NPY: variants seen among roughly 807,000 people sequenced by gnomAD.
NPY encodes pro-neuropeptide Y.
A neutral mutation model predicts 13.2 loss-of-function variants in NPY; 11 were observed. The observed-to-expected ratio is 0.83, with a 90% CI of 0.52 to 1.38. The LOEUF is 1.38. NPY is among the 40% of genes most tolerant of loss of function. The probability of loss-of-function intolerance (pLI) is 0.00; values close to 1 mark genes in which losing one functional copy is unlikely to be tolerated. For missense variants in NPY, 109 were observed against 125.1 expected (o/e 0.87, Z 0.61); for synonymous variants, 51 against 55.6 (o/e 0.92, Z 0.37).
chr7:24,289,684 C>T, intron 3 of NPY, 105 bp downstream of exon 3: 1 of 712,134 alleles, frequency 1.4e-6, no homozygotes, highest in Non-Finnish European at 2.3e-6. Flanking sequence ...GGCTTCTAGA[C>T]TAGGGGAGAT....
At chr7:24,291,539 C>A in intron 3 of NPY, 124 bp from the exon 4 acceptor site, 2 of 1,090,952 alleles carry the variant, frequency 1.8e-6, no homozygotes, top group Non-Finnish European at 2.7e-6. Flanking sequence ...ATTTAGAATG[C>A]CAACAGGAAA....
At chr7:24,290,572 C>G (rs6951110) in intron 3 of NPY, among the ~76,000 whole-genome samples, 147,395 of 151,926 alleles carry the variant, frequency 0.97, 71,524 homozygotes, top group East Asian at 1. Context: ...CAGTTCTCTT[C>G]TAAAATGGCC....
chr7:24,288,639 A>C (rs913385219), intron 2 of NPY, among the ~76,000 whole-genome samples: 12 of 150,500 alleles, frequency 8.0e-5, no homozygotes, highest in Middle Eastern at 6.9e-3. Context: ...TCACAGGTAA[A>C]CGAAACCTTA....
chr7:24,291,855 A>C lies in NPY; in HGVS notation c.*168A>C. On this transcript the variant is annotated 3_prime_UTR_variant, in exon 4 of 4. Coordinates refer to ENST00000242152, the MANE Select transcript of NPY (RefSeq NM_000905.4). Reference sequence around the variant, plus strand: ...TGTGTGTTTAAATAAAGTATCATGCATTCAAAAGTGTATCCTCCTCAATGA... The same window carrying C: ...TGTGTGTTTAAATAAAGTATCATGCCTTCAAAAGTGTATCCTCCTCAATGA... 1.5e-6 allele frequency: 1 copy of C among 659,212 alleles called. No homozygotes were observed. The highest frequency in any genetic ancestry group is 2.8e-5 in the East Asian group (1 of 35,500). The allele number at this position is 659,212 out of a possible 1,614,324, so 40.8% of individuals were successfully genotyped here.
chr7:24,291,146 A>C (rs16129), intron 3 of NPY, among the ~76,000 whole-genome samples: 77,095 of 151,866 alleles, frequency 0.51, 19,925 homozygotes, highest in East Asian at 0.67. Context: ...ATTAATTGCA[A>C]CCTGATTGAC....
intron 3 of NPY, among the ~76,000 whole-genome samples, chr7:24,290,131 G>A (rs898902336): frequency 2.0e-5 from 3 of 152,134 alleles, no homozygotes; most frequent in African/African-American, 7.2e-5. Flanking sequence ...ACGAATGCAC[G>A]TTGAATGACA....
intron 2 of NPY, among the ~76,000 whole-genome samples, chr7:24,286,083 T>C: frequency 6.6e-6 from 1 of 152,238 alleles, no homozygotes; most frequent in South Asian, 2.1e-4. Flanking sequence ...CCCTATTTTA[T>C]AGCTGGTGAA....
intron 1 of NPY, chr7:24,284,782 G>A: frequency 1.1e-5 from 2 of 177,992 alleles, no homozygotes; most frequent in Admixed American, 5.7e-5. Context: ...CTTCCCCACC[G>A]CAGTCGTCAC....
rs542271457 is a variant in NPY, at chr7:24,287,030, A to G, written c.188+1602A>G. 3.3e-5 allele frequency among the ~76,000 whole-genome samples: 5 copies of G among 152,340 alleles called. No individual in the cohort carries two copies. In the East Asian group the frequency reaches 9.6e-4, roughly 29 times the overall value. ...ACCTCAAAGCTTTGAAGGGAGTATA[A>G]TTATCTTCATTTCACAAATCATGAA... On this transcript the variant is annotated intron_variant, in intron 2 of 3. Transcript: ENST00000242152.
chr7:24,285,571 T>A lies in NPY; in HGVS notation c.188+143T>A. On this transcript the variant is annotated intron_variant, in intron 2 of 3. Transcript: ENST00000242152. The surrounding 1 kb of genome is among the most constrained non-coding windows in gnomAD (Gnocchi z 4.9). Reference sequence around the variant, plus strand: ...TATCAGGCACTTAGTCAGCTCTAGGTAAATGTTTGTACAGGGCACACTCTA... The same window carrying A: ...TATCAGGCACTTAGTCAGCTCTAGGAAAATGTTTGTACAGGGCACACTCTA... 2 of 802,968 alleles carry A rather than the reference T, an allele frequency of 2.5e-6. No individual in the cohort carries two copies. Among genetic ancestry groups the A allele is most frequent in the Non-Finnish European group, 3.9e-6 (2 of 516,450 alleles). The allele number at this position is 802,968 out of a possible 1,614,324, so 49.7% of individuals were successfully genotyped here.
chr7:24,290,775 A>AATAATAATAATGATTATTATT (rs10701264), intron 3 of NPY, among the ~76,000 whole-genome samples: 1 of 129,638 alleles, frequency 7.7e-6, no homozygotes, highest in African/African-American at 2.9e-5. Context: ...TAATAATAAT[A>AATAATAATAATGATTATTATT]ATTATTATTA....
intron 3 of NPY, 83 bp downstream of exon 3, chr7:24,289,662 G>C (rs1353709150): frequency 2.0e-6 from 2 of 1,007,222 alleles, no homozygotes; most frequent in Non-Finnish European, 3.0e-6. Context: ...TGCCTGGTGG[G>C]AGGCACCACC....
chr7:24,291,564 C>A, intron 3 of NPY, 99 bp from the exon 4 acceptor site: 2 of 1,406,516 alleles, frequency 1.4e-6, no homozygotes, highest in Non-Finnish European at 2.0e-6. Flanking sequence ...TCAACAGTTC[C>A]CGGTCATCTT....
In NPY at chr7:24,289,494, T is replaced by TC. The variant is rs398004045; in HGVS notation, c.189-3dup. 3.8e-6 allele frequency: 6 copies of TC among 1,592,490 alleles called. No individual in the cohort carries two copies. In the Admixed American group the frequency reaches 5.4e-5, roughly 14 times the overall value. Reference sequence around the variant, plus strand: ...ACTTGCTTTAAAAGACTTTTTTTTTTCCAGATATGGAAAACGATCCAGCCC... The same window carrying TC: ...ACTTGCTTTAAAAGACTTTTTTTTTTCCCAGATATGGAAAACGATCCAGCCC... On this transcript the variant is annotated splice_region_variant and splice_polypyrimidine_tract_variant and intron_variant, in intron 2 of 3. Coordinates refer to ENST00000242152, the MANE Select transcript of NPY (RefSeq NM_000905.4).
intron 2 of NPY, among the ~76,000 whole-genome samples, chr7:24,287,427 C>T (rs778311736): frequency 6.6e-6 from 1 of 152,076 alleles, no homozygotes; most frequent in Non-Finnish European, 1.5e-5. Context: ...AATCTGATAT[C>T]ATTATCTTTC....
chr7:24,285,162 CG>C lies in NPY; in HGVS notation c.1-73del. The C allele has an allele frequency of 4.8e-6, 7 of 1,452,532 alleles. No homozygotes were observed. Among genetic ancestry groups the C allele is most frequent in the South Asian group, 1.2e-5 (1 of 84,074 alleles). 90.0% of individuals were successfully genotyped at this position (1,452,532 alleles called of 1,614,324 possible). A position where few individuals can be genotyped will look rare whatever the true frequency, so the allele number is the denominator to read the frequency against. On this transcript the variant is annotated intron_variant, in intron 1 of 3. Coordinates refer to ENST00000242152, the MANE Select transcript of NPY (RefSeq NM_000905.4). This position sits in a 1 kb window ranked among gnomAD's most constrained non-coding sequence, Gnocchi z 4.9. ...GCGTGTGGTAGCAGGAGGAGGAGCGCGGGGGGCAGAGGAGGGAGGTGCTGCG... is the reference window on the plus strand; with the variant it reads ...GCGTGTGGTAGCAGGAGGAGGAGCGCGGGGGCAGAGGAGGGAGGTGCTGCG...
At chr7:24,290,340 G>A (rs1410023035) in intron 3 of NPY, among the ~76,000 whole-genome samples, 1 of 152,082 alleles carries the variant, frequency 6.6e-6, no homozygotes, top group Non-Finnish European at 1.5e-5. Flanking sequence ...CTTGCTTCCT[G>A]TCTCTAACCA....
At chr7:24,286,451 TTTAAA>T (rs1429120433) in intron 2 of NPY, among the ~76,000 whole-genome samples, 1 of 152,218 alleles carries the variant, frequency 6.6e-6, no homozygotes, top group African/African-American at 2.4e-5. Flanking sequence ...AGTTAACATG[TTTAAA>T]TTATATGTTT....
chr7:24,289,272 A>T (rs1787507392), intron 2 of NPY, among the ~76,000 whole-genome samples: 1 of 152,174 alleles, frequency 6.6e-6, no homozygotes, highest in South Asian at 2.1e-4. Flanking sequence ...AACCTCCTAG[A>T]TTATTTATTA....
Sources: gnomAD v4.1 joint callset for allele counts (sites outside exome capture counted in the v4.1 genomes callset) on GRCh38, gnomAD v4.1.1 for gene constraint, Gnocchi (gnomAD v3.1) non-coding constraint, MANE v1.5 for transcripts, NCBI Gene and HGNC (gene_info 2026-07-23, HGNC 2026-07-21) for gene names.